Variants in MYT1L observed in about 807,000 individuals in gnomAD.
The protein encoded by MYT1L is myelin transcription factor 1-like protein.
In MYT1L, 12 loss-of-function variants were observed where a neutral mutation model predicts 126.7. The ratio of observed to expected loss-of-function variants is 0.09; its 90% CI spans 0.06 to 0.15. The LOEUF (loss-of-function observed/expected upper bound fraction) is 0.15. Ranked by LOEUF, MYT1L falls within the 10% of genes least tolerant of loss-of-function variation. The probability of loss-of-function intolerance (pLI) is 1.00; values close to 1 mark genes in which losing one functional copy is unlikely to be tolerated. For missense variants in MYT1L, 979 were observed against 1,585.2 expected, an observed-to-expected ratio of 0.62 and a Z score of 6.49; for synonymous variants, 541 against 604.2, an observed-to-expected ratio of 0.90 and a Z score of 1.53.
chr2:2,196,748 C>T (rs2092816414), intron 2 of MYT1L, among the ~76,000 whole-genome samples: 1 of 151,392 alleles, frequency 6.6e-6, no homozygotes. Context: ...AAGTTATAGA[C>T]AGAATAAAGG....
At chr2:2,236,114 C>T (rs1269201480) in intron 2 of MYT1L, among the ~76,000 whole-genome samples, 1 of 151,920 alleles carries the variant, frequency 6.6e-6, no homozygotes, top group East Asian at 1.9e-4. Context: ...CAGTACATCC[C>T]AACCCAACCC....
intron 9 of MYT1L, among the ~76,000 whole-genome samples, chr2:1,925,982 G>C (rs942679413): frequency 2.0e-5 from 3 of 152,116 alleles, no homozygotes; most frequent in Non-Finnish European, 2.9e-5. Flanking sequence ...CCGACTGCTG[G>C]GGAGAGCAGC....
rs2051825653 is a variant in MYT1L, at chr2:1,910,609, G to C, written c.1710-262C>G. Among the ~76,000 whole-genome samples the C allele has an allele frequency of 6.6e-6, 1 of 152,272 alleles. No homozygotes were observed. The highest frequency in any genetic ancestry group is 1.9e-4 in the East Asian group (1 of 5,160). ...AGGTGTATTCAATCCTTCCCAATGA[G>C]AGCATCCCAGCTCCCATGCATTCGG... is the stretch of plus-strand genomic sequence containing the variant. On this transcript the variant is annotated intron_variant, in intron 12 of 24. Transcript: ENST00000647738. This position sits in a 1 kb window ranked among gnomAD's most constrained non-coding sequence, Gnocchi z 4.8.
chr2:2,322,555 T>G (rs139759197), intron 1 of MYT1L, among the ~76,000 whole-genome samples: 227 of 151,162 alleles, frequency 1.5e-3, no homozygotes, highest in African/African-American at 4.5e-3. Flanking sequence ...CACGCGGGGC[T>G]CCGTGAAGTG....
At chr2:1,916,492 G>T (rs2052850155) in intron 11 of MYT1L, among the ~76,000 whole-genome samples, 1 of 152,104 alleles carries the variant, frequency 6.6e-6, no homozygotes, top group South Asian at 2.1e-4. Context: ...TCTAGCTGCG[G>T]TATTTAATTT....
At chr2:2,054,586 A>C (rs2150107445) in intron 3 of MYT1L, among the ~76,000 whole-genome samples, 1 of 151,904 alleles carries the variant, frequency 6.6e-6, no homozygotes, top group East Asian at 1.9e-4. Context: ...GAGATGAGAC[A>C]CATGGAGATG....
At chr2:2,312,937 G>T (rs1450826201) in intron 1 of MYT1L, among the ~76,000 whole-genome samples, 1 of 152,126 alleles carries the variant, frequency 6.6e-6, no homozygotes, top group Non-Finnish European at 1.5e-5. Flanking sequence ...TTGGCTACTT[G>T]ATGAATTAGC....
intron 2 of MYT1L, among the ~76,000 whole-genome samples, chr2:2,271,016 C>T (rs544875652): frequency 5.2e-4 from 79 of 152,314 alleles, no homozygotes; most frequent in African/African-American, 1.6e-3. Context: ...TTCCTCCTTC[C>T]GGGGAGCATG....
intron 5 of MYT1L, among the ~76,000 whole-genome samples, chr2:1,991,193 G>T (rs2061428085): frequency 6.6e-6 from 1 of 152,176 alleles, no homozygotes; most frequent in Admixed American, 6.6e-5. Context: ...TCTGCTCGCT[G>T]CCAGGAATCG....
chr2:2,267,942 A>G (rs886574521), intron 2 of MYT1L, among the ~76,000 whole-genome samples: 1 of 152,156 alleles, frequency 6.6e-6, no homozygotes, highest in African/African-American at 2.4e-5. Context: ...CTTTAAGGTC[A>G]CGCATCCAAT....
chr2:1,805,450 C>T (rs13422055), intron 22 of MYT1L, among the ~76,000 whole-genome samples: 6,569 of 152,268 alleles, frequency 0.043, 164 homozygotes, highest in East Asian at 0.072. Context: ...GCTTTACACT[C>T]AGGATATGAA....
At chr2:2,279,561 G>A (rs1317135239) in intron 2 of MYT1L, among the ~76,000 whole-genome samples, 87 of 96,192 alleles carry the variant, frequency 9.0e-4, no homozygotes, top group African/African-American at 3.7e-3. Flanking sequence ...GAGAAGGAAT[G>A]AATGAATGAA....
intron 5 of MYT1L, among the ~76,000 whole-genome samples, chr2:1,984,709 C>T (rs561023034): frequency 6.6e-6 from 1 of 151,928 alleles, no homozygotes; most frequent in East Asian, 1.9e-4. Context: ...CAGGGTTTCA[C>T]CGTGTTAGCC....
At chr2:2,087,326 C>T (rs945881217) in intron 3 of MYT1L, among the ~76,000 whole-genome samples, 10 of 152,190 alleles carry the variant, frequency 6.6e-5, no homozygotes, top group Admixed American at 2.0e-4. Context: ...TTTTACAAAA[C>T]TCTTAATGCC....
At chr2:1,888,296 CTT>C (rs1445501860) in intron 16 of MYT1L, among the ~76,000 whole-genome samples, 2 of 152,056 alleles carry the variant, frequency 1.3e-5, no homozygotes, top group Non-Finnish European at 2.9e-5. Context: ...ACCACCATGC[CTT>C]ATTTGGTAGT....
At chr2:2,212,566 G>T (rs1024230254) in intron 2 of MYT1L, among the ~76,000 whole-genome samples, 3 of 152,130 alleles carry the variant, frequency 2.0e-5, no homozygotes, top group African/African-American at 7.2e-5. Context: ...TGTATAGTAA[G>T]TATAAATGGT....
At chr2:2,172,379 G>T (rs571353688) in intron 3 of MYT1L, among the ~76,000 whole-genome samples, 117 of 152,286 alleles carry the variant, frequency 7.7e-4, no homozygotes, top group African/African-American at 2.7e-3. Context: ...CACCCACAAG[G>T]AGGCTCACAT....
chr2:1,844,683 G>A (rs1040257190), intron 19 of MYT1L, among the ~76,000 whole-genome samples: 1 of 152,170 alleles, frequency 6.6e-6, no homozygotes, highest in African/African-American at 2.4e-5. Flanking sequence ...GTGATAACAT[G>A]ATACATACAA....
chr2:1,934,401 C>T (rs986715224), intron 9 of MYT1L, among the ~76,000 whole-genome samples: 5 of 151,424 alleles, frequency 3.3e-5, no homozygotes, highest in Admixed American at 6.6e-5. Flanking sequence ...TGTGGGACAG[C>T]GCTTTCATGT....
Sources: gnomAD v4.1 joint callset for allele counts (sites outside exome capture counted in the v4.1 genomes callset) on GRCh38, gnomAD v4.1.1 for gene constraint, Gnocchi (gnomAD v3.1) non-coding constraint, MANE v1.5 for transcripts, NCBI Gene and HGNC (gene_info 2026-07-23, HGNC 2026-07-21) for gene names.